Variants in CPAMD8 observed in about 807,000 individuals in gnomAD.
The protein encoded by CPAMD8 is C3 and PZP-like alpha-2-macroglobulin domain-containing protein 8.
CPAMD8 carries 146 observed loss-of-function variants against 224.7 expected under a neutral mutation model. The observed-to-expected ratio is 0.65, with a 90% CI of 0.57 to 0.75. The LOEUF (loss-of-function observed/expected upper bound fraction) is 0.75, where lower values mean the gene tolerates loss of function less well. CPAMD8 is among the 30% of genes least tolerant of loss of function. The pLI, the probability that CPAMD8 is intolerant of heterozygous loss-of-function variation, is 0.00. For synonymous variants in CPAMD8, 966 were observed against 1,044.6 expected, an observed-to-expected ratio of 0.92 and a Z score of 1.45; for missense variants, 2,301 against 2,537.5, an observed-to-expected ratio of 0.91 and a Z score of 2.00.
At chr19:17,019,618 C>T (rs971834057) in intron 3 of CPAMD8, among the ~76,000 whole-genome samples, 3 of 151,726 alleles carry the variant, frequency 2.0e-5, no homozygotes, top group Non-Finnish European at 4.4e-5. Flanking sequence ...TGCAGTGGTG[C>T]GATCATAGTT....
intron 1 of CPAMD8, among the ~76,000 whole-genome samples, chr19:17,023,638 G>A (rs758763663): frequency 3.4e-4 from 52 of 152,044 alleles, no homozygotes; most frequent in Non-Finnish European, 3.4e-4. Context: ...CTGGAGTGCA[G>A]TGGTGTGATC....
At chr19:16,922,953 A>T (rs1419421741) in intron 26 of CPAMD8, among the ~76,000 whole-genome samples, 3 of 152,204 alleles carry the variant, frequency 2.0e-5, no homozygotes. Context: ...CTGGTCACAC[A>T]CTGGCCTTCG....
chr19:16,981,443 T>C (rs2122775092), intron 13 of CPAMD8, among the ~76,000 whole-genome samples: 1 of 152,316 alleles, frequency 6.6e-6, no homozygotes, highest in South Asian at 2.1e-4. Flanking sequence ...TCTTAGGATA[T>C]GAACTCAATG....
intron 3 of CPAMD8, among the ~76,000 whole-genome samples, chr19:17,017,791 A>C (rs1036072982): frequency 1.3e-5 from 2 of 152,122 alleles, no homozygotes; most frequent in Non-Finnish European, 2.9e-5. Context: ...ACACTTTGGG[A>C]GGGCTGAGGT....
chr19:16,929,384 A>C, intron 23 of CPAMD8, 144 bp from the exon 24 acceptor site: 1 of 656,042 alleles, frequency 1.5e-6, no homozygotes, highest in Non-Finnish European at 2.6e-6. Context: ...GTGTTGGCCT[A>C]ACAATGGCAT....
chr19:17,025,313 G>A (rs2057050016), intron 1 of CPAMD8, among the ~76,000 whole-genome samples: 1 of 152,198 alleles, frequency 6.6e-6, no homozygotes, highest in East Asian at 1.9e-4. Context: ...TCAGGAGGCT[G>A]AGGCAGGAGA....
In CPAMD8 at chr19:16,911,783, G is replaced by A. The variant is rs1158167749; in HGVS notation, c.3861+2641C>T. On this transcript the variant is annotated intron_variant, in intron 29 of 41. Transcript: ENST00000443236. The stretch of plus-strand genomic sequence containing the variant: ...GATGGTCTCGATCTCCTGACCTTGT[G>A]ATCCACCGCCTCAGCCTCCCAAAGT... Among the ~76,000 whole-genome samples the A allele has an allele frequency of 3.3e-5, 5 of 152,066 alleles. No homozygotes were observed. The East Asian group carries it at 7.8e-4, about 24-fold the overall frequency.
chr19:16,975,323 G>A (rs911408996), intron 16 of CPAMD8, 65 bp from the exon 17 acceptor site: 37 of 1,367,122 alleles, frequency 2.7e-5, no homozygotes, highest in Admixed American at 9.8e-5. Context: ...ACTGGCTCCC[G>A]TGGGTGTGGC....
Position 16,928,075 on chromosome 19 carries a change from C to A in CPAMD8, c.3304G>T (p.Ala1102Ser). The A allele has an allele frequency of 6.2e-7, 1 of 1,614,022 alleles. No homozygotes were observed. Among genetic ancestry groups the A allele is most frequent in the Non-Finnish European group, 8.5e-7 (1 of 1,180,008 alleles). ...CCGTGTGGGACCCCCAGGGTGAAGGCCTCGCTGTAGCTCTCGTCCACCTCC... is the reference window on the plus strand; with the variant it reads ...CCGTGTGGGACCCCCAGGGTGAAGGACTCGCTGTAGCTCTCGTCCACCTCC... ...KMEVDESYSE[A>S]FTLGVPHGAI... Residue 1102 changes from alanine (A) to serine (S), a missense_variant, in exon 25 of 42, where the codon GCC (alanine) becomes TCC (serine). By Grantham distance (99) the Ala-to-Ser change is moderately conservative (BLOSUM62 1). Transcript: ENST00000443236.
In CPAMD8 at chr19:16,980,621, CTCG is replaced by C. The variant is rs2055477377; in HGVS notation, c.1458_1460del (p.Tyr486_Glu487delinsTer). 1 of 1,607,046 alleles carries C rather than the reference CTCG, an allele frequency of 6.2e-7. No individual in the cohort carries two copies. Among genetic ancestry groups the C allele is most frequent in the Admixed American group, 1.7e-5 (1 of 58,450 alleles). Reference sequence around the variant, plus strand: ...GCACAATATTGCCCCGTGCAGCCACCTCGTAGTACAGGGTAAAGTTGCAGGGAC... The same window carrying C: ...GCACAATATTGCCCCGTGCAGCCACCTAGTACAGGGTAAAGTTGCAGGGAC... On this transcript the variant is annotated stop_gained and inframe_deletion, in exon 14 of 42. Transcript: ENST00000443236. LOFTEE classifies it high-confidence loss of function.
chr19:16,970,755 T>G, intron 18 of CPAMD8, 136 bp downstream of exon 18: 1 of 809,488 alleles, frequency 1.2e-6, no homozygotes, highest in Non-Finnish European at 2.0e-6. Flanking sequence ...CCAAGAACCA[T>G]GTGAAATAAA....
intron 21 of CPAMD8, 84 bp downstream of exon 21, chr19:16,946,990 C>G: frequency 7.1e-7 from 1 of 1,414,266 alleles, no homozygotes. Context: ...GCCCCATCCA[C>G]CCCTCATCCC....
chr19:16,976,037 G>A lies in CPAMD8; in HGVS notation c.1873C>T (p.Leu625=), dbSNP rs371691237. 8 of 1,608,630 alleles carry A rather than the reference G, an allele frequency of 5.0e-6. No individual in the cohort carries two copies. The African/African-American group carries it at 8.0e-5, about 16-fold the overall frequency. Residue 625 remains leucine (L), a synonymous_variant, in exon 16 of 42, where the codon CTG becomes TTG. Coordinates refer to ENST00000443236, the MANE Select transcript of CPAMD8 (RefSeq NM_015692.5). ...CVAAVDKSVY[L]LRSGFRLTPA... is the part of the protein sequence containing the mutation. ...GTCAGCCGGAACCCAGACCTGAGCA[G>A]GTAGACACTCTTATCAACTGCGGCG...
rs1397391769 is a variant in CPAMD8, at chr19:16,899,741, A to T, written c.4774-192T>A. Among the ~76,000 whole-genome samples, 1 of 151,976 alleles carries T rather than the reference A, an allele frequency of 6.6e-6. No individual in the cohort carries two copies. Among genetic ancestry groups the T allele is most frequent in the Non-Finnish European group, 1.5e-5 (1 of 67,998 alleles). On this transcript the variant is annotated intron_variant, in intron 36 of 41. Transcript: ENST00000443236. The surrounding 1 kb of genome is among the most constrained non-coding windows in gnomAD (Gnocchi z 5.4). ...CAGGAGAGGACGCTCAAGGATGGCT[A>T]TCCCCGCTGGGAGCACCTGCCTCGC...
intron 10 of CPAMD8, 89 bp from the exon 11 acceptor site, chr19:16,997,427 C>T (rs2122985266): frequency 1.3e-6 from 1 of 779,514 alleles, no homozygotes; most frequent in South Asian, 1.5e-5. Context: ...AGGTGCAAGA[C>T]TCTTCAGCTG....
chr19:16,978,740 T>A (rs2055372076), intron 14 of CPAMD8, among the ~76,000 whole-genome samples: 2 of 152,122 alleles, frequency 1.3e-5, no homozygotes, highest in South Asian at 4.1e-4. Flanking sequence ...TCTCTGTCTG[T>A]CTATCTATCC....
chr19:16,895,696 CAA>C (rs2144672936), intron 41 of CPAMD8: 1 of 345,546 alleles, frequency 2.9e-6, no homozygotes, highest in Non-Finnish European at 5.8e-6. Flanking sequence ...TTCCAAAATC[CAA>C]GTCTTTTTGA....
chr19:16,968,654 T>A (rs1255429758), intron 18 of CPAMD8, among the ~76,000 whole-genome samples: 3 of 152,176 alleles, frequency 2.0e-5, no homozygotes, highest in Non-Finnish European at 2.9e-5. Flanking sequence ...TATTTTTAAA[T>A]TAGAGACAGA....
intron 27 of CPAMD8, among the ~76,000 whole-genome samples, chr19:16,920,154 T>A (rs2053113361): frequency 6.6e-6 from 1 of 152,326 alleles, no homozygotes; most frequent in African/African-American, 2.4e-5. Flanking sequence ...AGAGGGGACC[T>A]GGAAGCTGCT....
Sources: gnomAD v4.1 joint callset for allele counts (sites outside exome capture counted in the v4.1 genomes callset) on GRCh38, gnomAD v4.1.1 for gene constraint, Gnocchi (gnomAD v3.1) non-coding constraint, MANE v1.5 for transcripts, NCBI Gene and HGNC (gene_info 2026-07-23, HGNC 2026-07-21) for gene names.